The following CHST11 variants were observed in gnomAD, a reference collection of about 807,000 sequenced individuals.
CHST11 encodes the protein carbohydrate sulfotransferase 11, also known as C4S-1.
Under a neutral mutation model 30.4 loss-of-function variants are expected in CHST11, and 9 were observed. That is an observed-to-expected ratio of 0.30 (90% CI 0.18 to 0.52). The LOEUF (loss-of-function observed/expected upper bound fraction) is 0.52, where lower values mean the gene tolerates loss of function less well. Ranked by LOEUF, CHST11 falls within the 20% of genes least tolerant of loss-of-function variation. The pLI is 0.97. For missense variants in CHST11, 348 were observed against 460.6 expected, an observed-to-expected ratio of 0.76 and a Z score of 2.24; for synonymous variants, 152 against 187.8, an observed-to-expected ratio of 0.81 and a Z score of 1.56.
chr12:104,667,513 T>C (rs1473980916), intron 2 of CHST11, among the ~76,000 whole-genome samples: 1 of 152,234 alleles, frequency 6.6e-6, no homozygotes, highest in Non-Finnish European at 1.5e-5. Flanking sequence ...AGGGACAGAA[T>C]TTTGGCCGTC....
At chr12:104,645,223 A>G (rs1436517101) in intron 2 of CHST11, among the ~76,000 whole-genome samples, 8 of 152,238 alleles carry the variant, frequency 5.3e-5, no homozygotes, top group Admixed American at 2.6e-4. Context: ...CTGGGATTAC[A>G]GGCGTGAGCC....
At chr12:104,579,794 A>G (rs2038721902) in intron 1 of CHST11, among the ~76,000 whole-genome samples, 1 of 152,248 alleles carries the variant, frequency 6.6e-6, no homozygotes, top group Non-Finnish European at 1.5e-5. Context: ...CACAGATGGA[A>G]GGTAATTTGA....
intron 2 of CHST11, among the ~76,000 whole-genome samples, chr12:104,733,046 G>T (rs2040269786): frequency 6.6e-6 from 1 of 152,230 alleles, no homozygotes; most frequent in Admixed American, 6.5e-5. Flanking sequence ...GAGAGATGGG[G>T]AAACTGAGGC....
chr12:104,652,879 T>TGCTCCCTACAC (rs1410713433), intron 2 of CHST11, among the ~76,000 whole-genome samples: 1 of 152,010 alleles, frequency 6.6e-6, no homozygotes. Flanking sequence ...GCTTGGCCTC[T>TGCTCCCTACAC]GCTCCCTACA....
chr12:104,593,339 A>G (rs1241657400), intron 1 of CHST11, among the ~76,000 whole-genome samples: 1 of 152,208 alleles, frequency 6.6e-6, no homozygotes, highest in Non-Finnish European at 1.5e-5. Context: ...AGATTTGGGA[A>G]TGGTTTTAAT....
chr12:104,667,055 T>C, intron 2 of CHST11, among the ~76,000 whole-genome samples: 1 of 152,216 alleles, frequency 6.6e-6, no homozygotes, highest in East Asian at 1.9e-4. Flanking sequence ...ACATAGTCAT[T>C]CATTTTCATT....
chr12:104,484,010 G>A (rs1310832486), intron 1 of CHST11, among the ~76,000 whole-genome samples: 3 of 152,192 alleles, frequency 2.0e-5, no homozygotes, highest in Non-Finnish European at 4.4e-5. Flanking sequence ...TACTGTCTGC[G>A]AAGGTCTGCT....
chr12:104,466,361 G>A (rs1176321202), intron 1 of CHST11, among the ~76,000 whole-genome samples: 1 of 152,104 alleles, frequency 6.6e-6, no homozygotes, highest in Non-Finnish European at 1.5e-5. Context: ...ACTCACTAGG[G>A]GTGCTACACC....
At chr12:104,652,106 G>A (rs1028147287) in intron 2 of CHST11, among the ~76,000 whole-genome samples, 55 of 152,260 alleles carry the variant, frequency 3.6e-4, no homozygotes, top group African/African-American at 8.2e-4. Flanking sequence ...TAATGCAGTC[G>A]CCGCTCCATG....
chr12:104,488,011 C>G (rs554982612), intron 1 of CHST11, among the ~76,000 whole-genome samples: 6 of 152,218 alleles, frequency 3.9e-5, no homozygotes, highest in African/African-American at 1.4e-4. Flanking sequence ...TGGGCTCAAG[C>G]AATCCCCCTG....
At chr12:104,570,693 C>CTT (rs55750051) in intron 1 of CHST11, among the ~76,000 whole-genome samples, 2,586 of 141,338 alleles carry the variant, frequency 0.018, 159 homozygotes, top group East Asian at 0.17. Context: ...AGCCACTGCA[C>CTT]TTTTTTTTTT....
chr12:104,683,911 G>T (rs1227548230), intron 2 of CHST11, among the ~76,000 whole-genome samples: 18 of 152,194 alleles, frequency 1.2e-4, no homozygotes, highest in African/African-American at 4.3e-4. Flanking sequence ...GCTAGCATCT[G>T]TTAGCCAAGT....
intron 2 of CHST11, among the ~76,000 whole-genome samples, chr12:104,681,508 CTG>C (rs1478359380): frequency 3.3e-5 from 5 of 152,118 alleles, no homozygotes; most frequent in Admixed American, 6.5e-5. Flanking sequence ...TTGCACAACT[CTG>C]TAAATACATG....
At chr12:104,587,788 T>G (rs2038819210) in intron 1 of CHST11, among the ~76,000 whole-genome samples, 2 of 96,110 alleles carry the variant, frequency 2.1e-5, no homozygotes, top group Non-Finnish European at 4.3e-5. Flanking sequence ...TTTATTTATT[T>G]ATTTATTGTT....
rs1471728549 is a variant in CHST11, at chr12:104,513,077, T to C, written c.118+55548T>C. On this transcript the variant is annotated intron_variant, in intron 1 of 2. Transcript: ENST00000303694. ...GTATGCAGGTCTTGAGGGGTGGAGCTCAAGGCTACTTTTGCATTTCTGCCA... is the reference window on the plus strand; with the variant it reads ...GTATGCAGGTCTTGAGGGGTGGAGCCCAAGGCTACTTTTGCATTTCTGCCA... 3.7e-5 allele frequency among the ~76,000 whole-genome samples: 5 copies of C among 135,592 alleles called. No individual in the cohort carries two copies. The East Asian group carries it at 9.4e-4, about 26-fold the overall frequency. The allele number at this position is 135,592 out of a possible 152,430, so 89.0% of individuals were successfully genotyped here. A position where few individuals can be genotyped will look rare whatever the true frequency, so the allele number is the denominator to read the frequency against.
At chr12:104,524,170 G>A (rs1428313061) in intron 1 of CHST11, among the ~76,000 whole-genome samples, 1 of 151,772 alleles carries the variant, frequency 6.6e-6, no homozygotes, top group Non-Finnish European at 1.5e-5. Flanking sequence ...AGTGACTCGA[G>A]AATAGGAAGG....
intron 2 of CHST11, among the ~76,000 whole-genome samples, chr12:104,696,485 A>AAAAAAAAAAAAG (rs2039947357): frequency 1.5e-5 from 1 of 65,556 alleles, no homozygotes; most frequent in African/African-American, 5.9e-5. Flanking sequence ...AAAAATACAA[A>AAAAAAAAAAAAG]AAAAAAAAAA....
intron 2 of CHST11, among the ~76,000 whole-genome samples, chr12:104,609,508 C>T (rs2039038234): frequency 6.6e-6 from 1 of 152,178 alleles, no homozygotes; most frequent in Non-Finnish European, 1.5e-5. Flanking sequence ...GTCAGATTTC[C>T]AGTCAAGCCA....
At chr12:104,677,887 A>C (rs2039757619) in intron 2 of CHST11, among the ~76,000 whole-genome samples, 1 of 152,202 alleles carries the variant, frequency 6.6e-6, no homozygotes, top group South Asian at 2.1e-4. Context: ...ACATTCCTCA[A>C]ACATGTCAAA....
Sources: allele counts gnomAD v4.1 joint callset (sites outside exome capture counted in the v4.1 genomes callset), GRCh38; gene constraint gnomAD v4.1.1; transcripts MANE v1.5; gene names NCBI Gene and HGNC (gene_info 2026-07-23, HGNC 2026-07-21).